The following GZMM variants were observed in gnomAD, a reference collection of about 807,000 sequenced individuals.
GZMM encodes HU-Met-1.
GZMM carries 23 observed loss-of-function variants against 19.2 expected under a neutral mutation model. That is an observed-to-expected ratio of 1.20 (90% CI 0.86 to 1.69). The LOEUF (loss-of-function observed/expected upper bound fraction) is 1.69, where lower values mean the gene tolerates loss of function less well. Ranked by LOEUF, GZMM falls within the 40% of genes most tolerant of loss-of-function variation. The probability of loss-of-function intolerance (pLI) is 0.00; values close to 1 mark genes in which losing one functional copy is unlikely to be tolerated. For synonymous variants in GZMM, 178 were observed against 160.2 expected, an observed-to-expected ratio of 1.11 and a Z score of -0.84; for missense variants, 373 against 352.2, an observed-to-expected ratio of 1.06 and a Z score of -0.47.
intron 1 of GZMM, 84 bp from the exon 2 acceptor site, chr19:547,196 G>A: frequency 1.6e-6 from 2 of 1,282,480 alleles, no homozygotes; most frequent in Non-Finnish European, 1.0e-6. Context: ...TGGGGTCCTG[G>A]GCCTCTGAGC....
intron 1 of GZMM, among the ~76,000 whole-genome samples, chr19:545,402 C>CAG: frequency 1.3e-5 from 2 of 152,236 alleles, no homozygotes; most frequent in Non-Finnish European, 2.9e-5. Flanking sequence ...GGCTGGAGTG[C>CAG]GATGGTGCCA....
Position 549,205 on chromosome 19 carries a change from G to A in GZMM, c.612+20G>A, listed in dbSNP as rs1395868684. On this transcript the variant is annotated intron_variant, in intron 4 of 4. Coordinates refer to ENST00000264553, the MANE Select transcript of GZMM (RefSeq NM_005317.4). Reference sequence around the variant, plus strand: ...TGCAAGGTGAGGGGCGCCCGGGTGGGGCTGGGGGAATGAGGCTGGCGGGAG... The same window carrying A: ...TGCAAGGTGAGGGGCGCCCGGGTGGAGCTGGGGGAATGAGGCTGGCGGGAG... 4 of 1,554,032 alleles carry A rather than the reference G, an allele frequency of 2.6e-6. No homozygotes were observed. The highest frequency in any genetic ancestry group is 2.7e-5 in the African/African-American group (2 of 73,928).
rs1395258393 is a variant in GZMM, at chr19:549,664, G to A, written c.647G>A (p.Gly216Asp). Reference protein sequence around the residue: ...DSGGPLVCGKGRVLARVLSFS... With the variant: ...DSGGPLVCGKDRVLARVLSFS... The stretch of plus-strand genomic sequence containing the variant: ...GGCGGGCCCCTGGTGTGTGGCAAAG[G>A]CCGGGTGTTGGCCAGAGTCCTGTCC... Residue 216 changes from glycine (G) to aspartate (D), a missense_variant, in exon 5 of 5, where the codon GGC becomes GAC. By Grantham distance (94) the Gly-to-Asp change is moderately conservative. Coordinates refer to ENST00000264553, the MANE Select transcript of GZMM (RefSeq NM_005317.4). The A allele has an allele frequency of 4.3e-6, 7 of 1,613,416 alleles. No individual in the cohort carries two copies. Among genetic ancestry groups the A allele is most frequent in the Non-Finnish European group, 5.9e-6 (7 of 1,179,896 alleles).
intron 4 of GZMM, 68 bp from the exon 5 acceptor site, chr19:549,562 G>T: frequency 6.7e-7 from 1 of 1,491,932 alleles, no homozygotes; most frequent in Non-Finnish European, 9.0e-7. Flanking sequence ...TGCTCCCCTC[G>T]GCGGGCCCTG....
At chr19:548,854 C>T in intron 3 of GZMM, 68 bp from the exon 4 acceptor site, 2 of 634,624 alleles carry the variant, frequency 3.2e-6, no homozygotes, top group African/African-American at 2.2e-5. Flanking sequence ...CCTCCCCCCG[C>T]TGCCGCCCCC....
chr19:545,937 C>A (rs1448087192), intron 1 of GZMM, among the ~76,000 whole-genome samples: 1 of 152,012 alleles, frequency 6.6e-6, no homozygotes, highest in Non-Finnish European at 1.5e-5. Context: ...GCCACCGCAC[C>A]CGGCCTTAAT....
At chr19:547,159 G>T in intron 1 of GZMM, 121 bp from the exon 2 acceptor site, 1 of 888,800 alleles carries the variant, frequency 1.1e-6, no homozygotes, top group Non-Finnish European at 1.6e-6. Context: ...GGAACACTGG[G>T]GACTTCATTA....
At chr19:547,515 T>C in intron 2 of GZMM, 79 bp downstream of exon 2, 1 of 1,168,794 alleles carries the variant, frequency 8.6e-7, no homozygotes, top group African/African-American at 1.6e-5. Context: ...GGGTGGGCTC[T>C]GGGAGATTTA....
At chr19:544,985 C>T (rs576669395) in intron 1 of GZMM, among the ~76,000 whole-genome samples, 1 of 151,862 alleles carries the variant, frequency 6.6e-6, no homozygotes, top group Non-Finnish European at 1.5e-5. Flanking sequence ...CTCCACCCGT[C>T]ATCCTTCCCT....
intron 1 of GZMM, 125 bp downstream of exon 1, chr19:544,251 G>C: frequency 2.6e-6 from 2 of 776,694 alleles, no homozygotes; most frequent in Non-Finnish European, 4.3e-6. Context: ...TCCTTGTTTG[G>C]AGGGGGACTG....
chr19:548,466 G>C, intron 2 of GZMM, 76 bp from the exon 3 acceptor site: 2 of 1,473,086 alleles, frequency 1.4e-6, no homozygotes, highest in African/African-American at 1.4e-5. Flanking sequence ...AACGGGCACA[G>C]TGGGGGCCGG....
chr19:546,095 A>AT (rs1446341401), intron 1 of GZMM, among the ~76,000 whole-genome samples: 1 of 151,724 alleles, frequency 6.6e-6, no homozygotes, highest in African/African-American at 2.4e-5. Flanking sequence ...CGGGGACTTG[A>AT]TTTTCAAAGC....
In GZMM at chr19:549,662, A is replaced by AG; in HGVS notation, c.647dup (p.Arg217ProfsTer16). On this transcript the variant is annotated frameshift_variant, in exon 5 of 5. Coordinates refer to ENST00000264553, the MANE Select transcript of GZMM (RefSeq NM_005317.4). LOFTEE classifies it low-confidence loss of function (END_TRUNC). Reference sequence around the variant, plus strand: ...CGGGCGGGCCCCTGGTGTGTGGCAAAGGCCGGGTGTTGGCCAGAGTCCTGT... The same window carrying AG: ...CGGGCGGGCCCCTGGTGTGTGGCAAAGGGCCGGGTGTTGGCCAGAGTCCTGT... 6.2e-7 allele frequency: 1 copy of AG among 1,613,540 alleles called. No individual in the cohort carries two copies. The highest frequency in any genetic ancestry group is 8.5e-7 in the Non-Finnish European group (1 of 1,179,878).
Position 544,135 on chromosome 19 carries a change from G to C in GZMM, c.55+9G>C. 6.4e-7 allele frequency: 1 copy of C among 1,550,922 alleles called. No individual in the cohort carries two copies. On this transcript the variant is annotated intron_variant, in intron 1 of 4. Coordinates refer to ENST00000264553, the MANE Select transcript of GZMM (RefSeq NM_005317.4). ...GGGGGCCCTGTCAGTAGGTGAGTGG[G>C]AGCCGGGATGCAGGGGGGACACTGA... is the stretch of plus-strand genomic sequence containing the variant.
Position 544,726 on chromosome 19 carries a change from C to T in GZMM, c.55+600C>T, listed in dbSNP as rs57308793. Among the ~76,000 whole-genome samples, 166 of 115,440 alleles carry T rather than the reference C, an allele frequency of 1.4e-3. 1 individual carries two copies. The highest frequency in any genetic ancestry group is 5.2e-3 in the Middle Eastern group (1 of 194). The allele number at this position is 115,440 out of a possible 152,430, so 75.7% of individuals were successfully genotyped here. The stretch of plus-strand genomic sequence containing the variant: ...CCATCATCCCTCCCTCCCTCCCTCC[C>T]TCCCTCCCTCATCTCCCCTTCCTTC... On this transcript the variant is annotated intron_variant, in intron 1 of 4. Coordinates refer to ENST00000264553, the MANE Select transcript of GZMM (RefSeq NM_005317.4).
At position 547,287 on chromosome 19, in the gene GZMM, CT is replaced by C; in HGVS notation, c.66del (p.Phe22LeufsTer11). 1 of 1,530,270 alleles carries C rather than the reference CT, an allele frequency of 6.5e-7. No individual in the cohort carries two copies. The highest frequency in any genetic ancestry group is 1.3e-5 in the South Asian group (1 of 79,622). 94.8% of individuals were successfully genotyped at this position (1,530,270 alleles called of 1,614,324 possible). ...ALGALSVGSS[F>X]GTQIIGGREV... ...TGTCCCCCATCCTGGCAGGCAGCTCCTTTGGGACCCAGATCATCGGGGGCCG... is the reference window on the plus strand; with the variant it reads ...TGTCCCCCATCCTGGCAGGCAGCTCCTTGGGACCCAGATCATCGGGGGCCG... On this transcript the variant is annotated frameshift_variant, in exon 2 of 5. Coordinates refer to ENST00000264553, the MANE Select transcript of GZMM (RefSeq NM_005317.4). LOFTEE classifies it high-confidence loss of function.
At chr19:549,374 C>T (rs578050364) in intron 4 of GZMM, among the ~76,000 whole-genome samples, 189 bp downstream of exon 4, 41 of 152,320 alleles carry the variant, frequency 2.7e-4, no homozygotes, top group Non-Finnish European at 3.4e-4. Context: ...GTTTAGCAAC[C>T]TGCGCAAGAC....
chr19:548,726 G>T, intron 3 of GZMM, 49 bp downstream of exon 3: 1 of 1,574,402 alleles, frequency 6.4e-7, no homozygotes. Flanking sequence ...TGTCCCCCAC[G>T]GGTGCCCCTC....
At chr19:544,218 C>A in intron 1 of GZMM, 92 bp downstream of exon 1, 1 of 1,056,788 alleles carries the variant, frequency 9.5e-7, no homozygotes, top group Non-Finnish European at 1.4e-6. Flanking sequence ...CGCCGACATC[C>A]TGGGTGTAAG....
Sources: gnomAD v4.1 joint callset for allele counts (sites outside exome capture counted in the v4.1 genomes callset) on GRCh38, gnomAD v4.1.1 for gene constraint, MANE v1.5 for transcripts, NCBI Gene and HGNC (gene_info 2026-07-23, HGNC 2026-07-21) for gene names.